The following C6orf132 variants were observed in gnomAD, a reference collection of about 807,000 sequenced individuals.
C6orf132 encodes the protein uncharacterized protein C6orf132.
C6orf132 carries 43 observed loss-of-function variants against 65.3 expected under a neutral mutation model. The observed-to-expected ratio is 0.66, with a 90% CI of 0.52 to 0.85. C6orf132 has a LOEUF of 0.85. Among genes scored for constraint, C6orf132 ranks in the 40% least tolerant of loss-of-function variants. The pLI is 0.00. For synonymous variants in C6orf132, 631 were observed against 654.1 expected (o/e 0.96, Z 0.54); for missense variants, 1,488 against 1,548.8 (o/e 0.96, Z 0.66).
chr6:42,110,214 A>G lies in C6orf132; in HGVS notation c.328+2T>C. On this transcript the variant is annotated splice_donor_variant, in intron 3 of 4. Transcript: ENST00000341865. LOFTEE classifies it high-confidence loss of function. ...CAAGCCCCAAGCCCAGGGTTCACTT[A>G]CCTGTCACTTCTTTGTCTGCAAAAT... is the stretch of plus-strand genomic sequence containing the variant. 6.5e-7 allele frequency: 1 copy of G among 1,548,156 alleles called. No homozygotes were observed. Among genetic ancestry groups the G allele is most frequent in the Non-Finnish European group, 8.7e-7 (1 of 1,145,598 alleles).
At position 42,107,420 on chromosome 6, in the gene C6orf132, T is replaced by A. The variant is rs1310289649; in HGVS notation, c.492A>T (p.Pro164=). The part of the protein sequence containing the change: ...ISEPPGGSPL[P]SPPSTAPPPP... Reference sequence around the variant, plus strand: ...GTGGGGGTGCTGTGGAAGGTGGAGATGGCAGTGGCGACCCCCCTGGAGGTT... The same window carrying A: ...GTGGGGGTGCTGTGGAAGGTGGAGAAGGCAGTGGCGACCCCCCTGGAGGTT... The change falls in exon 4 of 5, where the codon CCA becomes CCT. Residue 164 remains proline, a synonymous_variant. Transcript: ENST00000341865. 6.9e-6 allele frequency: 9 copies of A among 1,307,116 alleles called. No homozygotes were observed. Among genetic ancestry groups the A allele is most frequent in the Non-Finnish European group, 8.9e-6 (9 of 1,007,496 alleles). 81.0% of individuals were successfully genotyped at this position (1,307,116 alleles called of 1,614,324 possible). A position where few individuals can be genotyped will look rare whatever the true frequency, so the allele number is the denominator to read the frequency against.
At position 42,105,511 on chromosome 6, in the gene C6orf132, C is replaced by G; in HGVS notation, c.2401G>C (p.Val801Leu). Residue 801 changes from valine (V) to leucine (L), a missense_variant, in exon 4 of 5, where the codon GTG becomes CTG. Transcript: ENST00000341865. ...AGCCCTGGGGGCTCCTTCACCTCCA[C>G]GGGCTCCCCTGGCCCTGCAGCCCCT... The part of the protein sequence containing the change: ...RGGAAGPGEP[V>L]EVKEPPGLPA... The G allele has an allele frequency of 6.5e-7, 1 of 1,532,816 alleles. No individual in the cohort carries two copies. The highest frequency in any genetic ancestry group is 8.7e-7 in the Non-Finnish European group (1 of 1,144,404). 95.0% of individuals were successfully genotyped at this position (1,532,816 alleles called of 1,614,324 possible).
rs868652976 is a variant in C6orf132 at position 42,103,861 on chromosome 6, G to C, written c.3467C>G (p.Thr1156Ser). The C allele has an allele frequency of 6.7e-7, 1 of 1,482,888 alleles. No individual in the cohort carries two copies. The highest frequency in any genetic ancestry group is 1.4e-5 in the African/African-American group (1 of 70,464). The allele number at this position is 1,482,888 out of a possible 1,614,324, so 91.9% of individuals were successfully genotyped here. A position where few individuals can be genotyped will look rare whatever the true frequency, so the allele number is the denominator to read the frequency against. ...CGTGTTGATGGGGCTTCCATAGCGG[G>C]TGGTGGTGTAGGGAGACCTGGGGGA... Reference protein sequence around the residue: ...PAAGRSPYTTTRYGSPINTFT... With the variant: ...PAAGRSPYTTSRYGSPINTFT... Residue 1156 changes from threonine (T) to serine (S), a missense_variant, in exon 5 of 5, where the codon ACC (threonine) becomes AGC (serine). Transcript: ENST00000341865.
chr6:42,117,883 C>T (rs144545305), intron 2 of C6orf132, among the ~76,000 whole-genome samples: 108 of 132,618 alleles, frequency 8.1e-4, no homozygotes, highest in Middle Eastern at 4.4e-3. Context: ...AAGATTGTGC[C>T]ACTGCACTCC....
At chr6:42,133,781 G>A (rs1039112249) in intron 1 of C6orf132, among the ~76,000 whole-genome samples, 21 of 125,048 alleles carry the variant, frequency 1.7e-4, no homozygotes. Context: ...TTACTTTAGA[G>A]TTTCTCCCTA....
intron 1 of C6orf132, among the ~76,000 whole-genome samples, 181 bp downstream of exon 1, chr6:42,142,119 C>G (rs1218123433): frequency 6.6e-6 from 1 of 152,074 alleles, no homozygotes; most frequent in Non-Finnish European, 1.5e-5. Context: ...ACCTCTCTCA[C>G]CGCACAGCCC....
At chr6:42,109,342 G>A (rs771815354) in intron 3 of C6orf132, among the ~76,000 whole-genome samples, 1 of 152,142 alleles carries the variant, frequency 6.6e-6, no homozygotes, top group Non-Finnish European at 1.5e-5. Context: ...TGAGGTGGGA[G>A]AACTGCTTGA....
intron 1 of C6orf132, among the ~76,000 whole-genome samples, chr6:42,129,723 C>T (rs1272635830): frequency 6.6e-6 from 1 of 152,200 alleles, no homozygotes; most frequent in African/African-American, 2.4e-5. Context: ...TGGCAGGGAT[C>T]GCTGTGGCCC....
chr6:42,140,192 C>T (rs773182385), intron 1 of C6orf132, among the ~76,000 whole-genome samples: 16 of 152,380 alleles, frequency 1.1e-4, no homozygotes, highest in African/African-American at 1.4e-4. Flanking sequence ...CCTTGAGGAA[C>T]GGGAGGAGCT....
Position 42,105,479 on chromosome 6 carries a change from G to C in C6orf132, c.2433C>G (p.Ala811=), listed in dbSNP as rs1442822083. 7.2e-6 allele frequency: 11 copies of C among 1,533,536 alleles called. No individual in the cohort carries two copies. The African/African-American group carries it at 1.5e-4, about 21-fold the overall frequency. 95.0% of individuals were successfully genotyped at this position (1,533,536 alleles called of 1,614,324 possible). Residue 811 remains alanine (A), a synonymous_variant, in exon 4 of 5, where the codon GCC becomes GCG. Coordinates refer to ENST00000341865, the MANE Select transcript of C6orf132 (RefSeq NM_001164446.3). The stretch of plus-strand genomic sequence containing the variant: ...TGGGCTGGGCCGAGGCAGGAGGCTT[G>C]GCTGGCAGCCCTGGGGGCTCCTTCA... The part of the protein sequence containing the change: ...VEVKEPPGLP[A]KPPASAQPTD...
In C6orf132 at chr6:42,106,309, T is replaced by C. The variant is rs1335493384; in HGVS notation, c.1603A>G (p.Ser535Gly). ...PGVPEKSLGG[S>G]SLTETEAAPS... is the part of the protein sequence containing the mutation. ...GCAGCCTCTGTCTCTGTCAGGCTGC[T>C]GCCGCCAAGACTCTTTTCAGGAACA... Residue 535 changes from serine (S) to glycine (G), a missense_variant, in exon 4 of 5, where the codon AGC becomes GGC. Physicochemically the swap from Ser to Gly is moderately conservative, Grantham distance 56 (BLOSUM62 0). Coordinates refer to ENST00000341865, the MANE Select transcript of C6orf132 (RefSeq NM_001164446.3). 6.5e-6 allele frequency: 10 copies of C among 1,536,570 alleles called. No homozygotes were observed. The East Asian group carries it at 2.0e-4, about 30-fold the overall frequency.
intron 2 of C6orf132, among the ~76,000 whole-genome samples, chr6:42,126,145 A>G (rs12201905): frequency 0.31 from 46,853 of 151,642 alleles, 7,338 homozygotes; most frequent in Middle Eastern, 0.43. Context: ...GCAGTGGTGC[A>G]ATCTTGGCTC....
intron 2 of C6orf132, among the ~76,000 whole-genome samples, chr6:42,112,951 G>C (rs944423968): frequency 6.6e-6 from 1 of 152,092 alleles, no homozygotes; most frequent in Admixed American, 6.6e-5. Flanking sequence ...GAATTCTGAA[G>C]CTGGAATGGC....
rs1482651705 is a variant in C6orf132, at chr6:42,124,026, C to T, written c.252+4646G>A. 6.6e-6 allele frequency among the ~76,000 whole-genome samples: 1 copy of T among 152,202 alleles called. No homozygotes were observed. Among genetic ancestry groups the T allele is most frequent in the South Asian group, 2.1e-4 (1 of 4,824 alleles). ...CAGGGAGCTGACCACACCATCTACC[C>T]TTCCGTTAGGAAGTCATTTTAACAC... is the stretch of plus-strand genomic sequence containing the variant. On this transcript the variant is annotated intron_variant, in intron 2 of 4. Transcript: ENST00000341865. This position sits in a 1 kb window ranked among gnomAD's most constrained non-coding sequence, Gnocchi z 4.0.
chr6:42,129,919 C>T (rs1554182984), intron 1 of C6orf132, among the ~76,000 whole-genome samples: 1 of 152,210 alleles, frequency 6.6e-6, no homozygotes, highest in Non-Finnish European at 1.5e-5. Flanking sequence ...GAGAAAATTG[C>T]AAGAAAGCCA....
At chr6:42,123,937 G>A (rs1327284162) in intron 2 of C6orf132, among the ~76,000 whole-genome samples, 2 of 152,236 alleles carry the variant, frequency 1.3e-5, no homozygotes, top group African/African-American at 2.4e-5. Flanking sequence ...CCTTTCCAGA[G>A]GCGGAAGCAG....
rs1229489656 is a variant in C6orf132 at position 42,107,564 on chromosome 6, A to G, written c.348T>C (p.Asn116=). The G allele has an allele frequency of 2.6e-6, 4 of 1,550,872 alleles. No individual in the cohort carries two copies. Among genetic ancestry groups the G allele is most frequent in the East Asian group, 2.4e-5 (1 of 40,896 alleles). ...CAGAGCTGTACAGTCGGAGGTTGCC[A>G]TTGACTAGTGAGCTGGTACCTGAAA... ...KEVTGTSSLV[N]GNLRLYSSVG... Residue 116 remains asparagine (N), a synonymous_variant, in exon 4 of 5, where the codon AAT becomes AAC. Coordinates refer to ENST00000341865, the MANE Select transcript of C6orf132 (RefSeq NM_001164446.3).
In C6orf132 at chr6:42,107,092, C is replaced by G. The variant is rs965851126; in HGVS notation, c.820G>C (p.Ala274Pro). The part of the protein sequence containing the change: ...LNGRQAEATR[A>P]SPPRSPAEPK... ...TCAGCAGGGCTTCTCGGGGGGCTGGCTCTGGTGGCCTCTGCCTGCCTGCCA... is the reference window on the plus strand; with the variant it reads ...TCAGCAGGGCTTCTCGGGGGGCTGGGTCTGGTGGCCTCTGCCTGCCTGCCA... Residue 274 changes from alanine (A) to proline (P), a missense_variant, in exon 4 of 5, where the codon GCC (alanine) becomes CCC (proline). By Grantham distance (27) the Ala-to-Pro change is conservative (BLOSUM62 -1). Transcript: ENST00000341865. The G allele has an allele frequency of 2.4e-5, 35 of 1,461,530 alleles. No homozygotes were observed. The highest frequency in any genetic ancestry group is 1.4e-5 in the African/African-American group (1 of 69,684). 90.5% of individuals were successfully genotyped at this position (1,461,530 alleles called of 1,614,324 possible).
At chr6:42,125,908 C>G (rs1372001210) in intron 2 of C6orf132, among the ~76,000 whole-genome samples, 1 of 152,110 alleles carries the variant, frequency 6.6e-6, no homozygotes, top group Non-Finnish European at 1.5e-5. Context: ...TAGCAGATAG[C>G]TGGGGGGAGA....
Sources: allele counts gnomAD v4.1 joint callset (sites outside exome capture counted in the v4.1 genomes callset), GRCh38; gene constraint gnomAD v4.1.1; non-coding constraint Gnocchi (gnomAD v3.1); transcripts MANE v1.5; gene names NCBI Gene and HGNC (gene_info 2026-07-23, HGNC 2026-07-21).